Variants in NOL4 observed in about 807,000 individuals in gnomAD.
NOL4 encodes the protein nucleolar protein 4, also known as cancer/testis antigen 125.
A neutral mutation model predicts 75.9 loss-of-function variants in NOL4; 17 were observed. That is an observed-to-expected ratio of 0.22 (90% CI 0.15 to 0.34). NOL4 has a LOEUF of 0.34. Ranked by LOEUF, NOL4 falls within the 10% of genes least tolerant of loss-of-function variation. The pLI is 1.00. For missense variants in NOL4, 614 were observed against 793.5 expected, an observed-to-expected ratio of 0.77 and a Z score of 2.72; for synonymous variants, 292 against 289.9, an observed-to-expected ratio of 1.01 and a Z score of -0.07.
At chr18:34,032,374 G>A (rs1307222041) in intron 5 of NOL4, among the ~76,000 whole-genome samples, 1 of 152,144 alleles carries the variant, frequency 6.6e-6, no homozygotes. Flanking sequence ...CCATCAGGAG[G>A]CCTGAAGATG....
Position 33,947,175 on chromosome 18 carries a change from T to G in NOL4, c.1429-3997A>C, listed in dbSNP as rs148364806. 4.0e-3 allele frequency among the ~76,000 whole-genome samples: 603 copies of G among 151,978 alleles called. 3 individuals carry two copies. The highest frequency in any genetic ancestry group is 0.014 in the African/African-American group (573 of 41,524). ...AGAGAGTGAGAAGGAAATTAATAAA[T>G]TTTTCTCATTATAAAAGTAATATTA... On this transcript the variant is annotated intron_variant, in intron 8 of 10. Coordinates refer to ENST00000261592, the MANE Select transcript of NOL4 (RefSeq NM_003787.5).
intron 1 of NOL4, among the ~76,000 whole-genome samples, chr18:34,136,327 GT>G (rs2080890626): frequency 6.6e-6 from 1 of 152,094 alleles, no homozygotes; most frequent in African/African-American, 2.4e-5. Flanking sequence ...CATCATACTG[GT>G]GAATCTAGCC....
chr18:34,137,781 C>CACACACAT (rs2080956694), intron 1 of NOL4, among the ~76,000 whole-genome samples: 1 of 38,956 alleles, frequency 2.6e-5, no homozygotes, highest in African/African-American at 1.3e-4. Context: ...ATACGAAATA[C>CACACACAT]ACACACACAC....
At chr18:33,938,523 T>C (rs1281391540) in intron 9 of NOL4, among the ~76,000 whole-genome samples, 1 of 152,160 alleles carries the variant, frequency 6.6e-6, no homozygotes, top group Non-Finnish European at 1.5e-5. Context: ...TGCATTTCTC[T>C]AATGAGCAGT....
intron 5 of NOL4, among the ~76,000 whole-genome samples, chr18:34,038,764 AG>A (rs1460129221): frequency 6.6e-6 from 1 of 152,028 alleles, no homozygotes; most frequent in Non-Finnish European, 1.5e-5. Context: ...GGAAATGAAA[AG>A]AGGTGGATGA....
At chr18:34,174,258 A>C (rs1168170674) in intron 1 of NOL4, among the ~76,000 whole-genome samples, 3 of 152,300 alleles carry the variant, frequency 2.0e-5, no homozygotes, top group African/African-American at 7.2e-5. Context: ...GCACAGAAGT[A>C]AAATCAGTGA....
intron 9 of NOL4, among the ~76,000 whole-genome samples, chr18:33,899,896 A>G (rs910246918): frequency 2.6e-5 from 4 of 152,104 alleles, no homozygotes; most frequent in Non-Finnish European, 4.4e-5. Context: ...AATGCATGCT[A>G]GGTTTTCTGG....
At chr18:33,882,108 G>GAA (rs1386868798) in intron 10 of NOL4, among the ~76,000 whole-genome samples, 2 of 152,112 alleles carry the variant, frequency 1.3e-5, no homozygotes, top group Admixed American at 1.3e-4. Context: ...AACCCTAGAA[G>GAA]AAAACCTAGG....
chr18:34,001,794 C>T (rs866939771), intron 6 of NOL4: 2 of 152,728 alleles, frequency 1.3e-5, no homozygotes, highest in East Asian at 3.9e-4. Context: ...TGCACTCAGA[C>T]CAGACAAAGA....
intron 5 of NOL4, among the ~76,000 whole-genome samples, chr18:34,080,903 A>C (rs1247073314): frequency 6.6e-6 from 1 of 152,222 alleles, no homozygotes; most frequent in Non-Finnish European, 1.5e-5. Context: ...TCATTATTGT[A>C]ATAGTACCTC....
At chr18:34,210,038 T>C (rs1158841415) in intron 1 of NOL4, among the ~76,000 whole-genome samples, 1 of 152,174 alleles carries the variant, frequency 6.6e-6, no homozygotes, top group Admixed American at 6.5e-5. Flanking sequence ...TTTAAAAAGC[T>C]CTTGTTATCA....
At chr18:33,897,445 T>C (rs1326100951) in intron 9 of NOL4, among the ~76,000 whole-genome samples, 1 of 152,114 alleles carries the variant, frequency 6.6e-6, no homozygotes, top group Non-Finnish European at 1.5e-5. Context: ...AAAAATAGAA[T>C]GAGATCATGT....
chr18:33,926,897 C>T (rs1247806287), intron 9 of NOL4, among the ~76,000 whole-genome samples: 1 of 152,120 alleles, frequency 6.6e-6, no homozygotes, highest in Non-Finnish European at 1.5e-5. Context: ...CGGGCCTGGC[C>T]AAGAATTTTT....
At chr18:33,963,667 G>C (rs1321117139) in intron 6 of NOL4, among the ~76,000 whole-genome samples, 3 of 152,206 alleles carry the variant, frequency 2.0e-5, no homozygotes, top group Non-Finnish European at 2.9e-5. Context: ...ATGGGGATAA[G>C]GGTAGATTTT....
intron 9 of NOL4, among the ~76,000 whole-genome samples, chr18:33,903,794 G>A (rs1004317136): frequency 3.3e-5 from 5 of 151,976 alleles, no homozygotes; most frequent in African/African-American, 9.7e-5. Flanking sequence ...TTTATGTCTT[G>A]TTTCTCTTCA....
chr18:34,096,127 G>T (rs1229570101), intron 4 of NOL4, among the ~76,000 whole-genome samples: 1 of 151,694 alleles, frequency 6.6e-6, no homozygotes, highest in South Asian at 2.1e-4. Flanking sequence ...ACTCTTGCCA[G>T]CATACATTTT....
At chr18:33,966,424 A>G (rs939873992) in intron 6 of NOL4, among the ~76,000 whole-genome samples, 1 of 152,222 alleles carries the variant, frequency 6.6e-6, no homozygotes, top group Non-Finnish European at 1.5e-5. Flanking sequence ...CCAGTTCCAC[A>G]TAGTACTGGA....
chr18:34,141,684 A>G (rs974442115), intron 1 of NOL4, among the ~76,000 whole-genome samples: 1 of 152,252 alleles, frequency 6.6e-6, no homozygotes, highest in Admixed American at 6.5e-5. Context: ...AAATTAATTC[A>G]AGATGGATTA....
At chr18:33,867,916 A>G (rs942155497) in intron 10 of NOL4, among the ~76,000 whole-genome samples, 2 of 152,176 alleles carry the variant, frequency 1.3e-5, no homozygotes, top group African/African-American at 4.8e-5. Context: ...TCTTGGCTCA[A>G]GAAGTCATGC....
Sources: gnomAD v4.1 joint callset for allele counts (sites outside exome capture counted in the v4.1 genomes callset) on GRCh38, gnomAD v4.1.1 for gene constraint, MANE v1.5 for transcripts, NCBI Gene and HGNC (gene_info 2026-07-23, HGNC 2026-07-21) for gene names.